Variants in ATP2C1 observed in about 807,000 individuals in gnomAD.
ATP2C1 encodes the protein calcium-transporting ATPase type 2C member 1.
Under a neutral mutation model 120.5 loss-of-function variants are expected in ATP2C1, and 31 were observed. The observed-to-expected ratio is 0.26, with a 90% CI of 0.19 to 0.35. The LOEUF (loss-of-function observed/expected upper bound fraction) is 0.35. Among genes scored for constraint, ATP2C1 ranks in the 10% least tolerant of loss-of-function variants. ATP2C1 has a pLI of 1.00. For missense variants in ATP2C1, 731 were observed against 1,107.5 expected (o/e 0.66, Z 4.83); for synonymous variants, 351 against 358.7 (o/e 0.98, Z 0.24).
rs3773814 is a variant in ATP2C1, at chr3:130,996,904, A to C, written c.2243+108A>C. On this transcript the variant is annotated intron_variant, in intron 24 of 27. Transcript: ENST00000510168. ...GACAGTGTTGGAAAACTTTGCAGCA[A>C]ATGTTTTAACATTTATGTTATAAAT... 0.14 allele frequency: 116,533 copies of C among 813,968 alleles called. 9,634 individuals carry two copies. Among genetic ancestry groups the C allele is most frequent in the Non-Finnish European group, 0.16 (75,178 of 463,488 alleles). The allele number at this position is 813,968 out of a possible 1,614,324, so 50.4% of individuals were successfully genotyped here.
intron 1 of ATP2C1, among the ~76,000 whole-genome samples, chr3:130,872,671 G>A (rs1044935039): frequency 7.3e-5 from 11 of 151,284 alleles, no homozygotes; most frequent in African/African-American, 2.7e-4. Flanking sequence ...TGCAACCTCC[G>A]CCTCCTGGGT....
intron 2 of ATP2C1, among the ~76,000 whole-genome samples, chr3:130,900,864 TTA>T (rs1457124604): frequency 2.0e-5 from 3 of 152,194 alleles, no homozygotes; most frequent in African/African-American, 7.2e-5. Context: ...TTTGTATATG[TTA>T]TATATGAGAT....
In ATP2C1 at chr3:131,002,235, A is replaced by G; in HGVS notation, c.*885A>G. 1 of 965,680 alleles carries G rather than the reference A, an allele frequency of 1.0e-6. No individual in the cohort carries two copies. Among genetic ancestry groups the G allele is most frequent in the Non-Finnish European group, 1.2e-6 (1 of 812,012 alleles). The allele number at this position is 965,680 out of a possible 1,614,324, so 59.8% of individuals were successfully genotyped here. A position where few individuals can be genotyped will look rare whatever the true frequency, so the allele number is the denominator to read the frequency against. On this transcript the variant is annotated 3_prime_UTR_variant, in exon 28 of 28. Coordinates refer to ENST00000510168, the MANE Select transcript of ATP2C1 (RefSeq NM_001378687.1). Reference sequence around the variant, plus strand: ...AATATCATTTTGTCATCCTCTAAATATAAATCCAAATACCTCAGCTAAGTA... The same window carrying G: ...AATATCATTTTGTCATCCTCTAAATGTAAATCCAAATACCTCAGCTAAGTA...
At position 130,979,327 on chromosome 3, in the gene ATP2C1, C is replaced by G. The variant is rs1453001768; in HGVS notation, c.1649C>G (p.Thr550Ser). 1.2e-6 allele frequency: 2 copies of G among 1,613,670 alleles called. No individual in the cohort carries two copies. Residue 550 changes from threonine to serine, a missense_variant, in exon 19 of 28, where the codon ACT (threonine) becomes AGT (serine). Physicochemically the swap from Thr to Ser is moderately conservative, Grantham distance 58 (BLOSUM62 1). Around this residue, in one of 3 missense-constraint regions of ATP2C1, gnomAD observed 571 missense variants for 845.9 expected, o/e 0.67. Coordinates refer to ENST00000510168, the MANE Select transcript of ATP2C1 (RefSeq NM_001378687.1). ...GTGGGAATCATTGATCCACCTAGAA[C>G]TGGTGTGAAAGAAGCTGTTACAACA... ...GLVGIIDPPR[T>S]GVKEAVTTLI... is the part of the protein sequence containing the mutation.
At chr3:130,957,350 A>G (rs955570848) in intron 11 of ATP2C1, among the ~76,000 whole-genome samples, 5 of 152,202 alleles carry the variant, frequency 3.3e-5, no homozygotes, top group Admixed American at 3.3e-4. Context: ...TTATTTTAGT[A>G]CATGGCTTAA....
At chr3:130,970,384 A>ACACACC (rs2061246953) in intron 17 of ATP2C1, among the ~76,000 whole-genome samples, 1 of 143,014 alleles carries the variant, frequency 7.0e-6, no homozygotes, top group Non-Finnish European at 1.5e-5. Flanking sequence ...ACACACACAC[A>ACACACC]CACACACACA....
At chr3:131,013,911 C>A in intron 26 of ATP2C1, 1 of 578,282 alleles carries the variant, frequency 1.7e-6, no homozygotes, top group East Asian at 3.0e-5. Flanking sequence ...AAACAAAATA[C>A]AAAATAACTT....
intron 11 of ATP2C1, among the ~76,000 whole-genome samples, chr3:130,957,818 C>G (rs1483096069): frequency 6.6e-6 from 1 of 152,152 alleles, no homozygotes; most frequent in African/African-American, 2.4e-5. Flanking sequence ...TCCCAAAGTG[C>G]AGGGATTACA....
At chr3:130,940,505 T>G in intron 6 of ATP2C1, 125 bp from the exon 7 acceptor site, 1 of 705,746 alleles carries the variant, frequency 1.4e-6, no homozygotes, top group South Asian at 1.6e-5. Context: ...GGTAAGAATA[T>G]AAGCACAAGT....
upstream of ATP2C1, among the ~76,000 whole-genome samples, chr3:130,891,797 G>A (rs923205392): frequency 5.9e-5 from 9 of 152,070 alleles, no homozygotes; most frequent in African/African-American, 1.7e-4. Flanking sequence ...ACATATATAT[G>A]TGTATATGTT....
intron 3 of ATP2C1, 101 bp from the exon 4 acceptor site, chr3:130,931,921 T>C (rs1313311189): frequency 1.3e-6 from 1 of 782,956 alleles, no homozygotes; most frequent in Non-Finnish European, 2.2e-6. Context: ...TTGACTGTTG[T>C]AGTTTCTGTA....
At chr3:130,877,995 G>C (rs1378420723) in intron 1 of ATP2C1, among the ~76,000 whole-genome samples, 1 of 151,982 alleles carries the variant, frequency 6.6e-6, no homozygotes, top group Non-Finnish European at 1.5e-5. Context: ...GTAGGGACAT[G>C]GATGAAGCTG....
At chr3:130,957,324 CTATTT>C (rs1162765942) in intron 11 of ATP2C1, among the ~76,000 whole-genome samples, 7 of 152,064 alleles carry the variant, frequency 4.6e-5, no homozygotes, top group Non-Finnish European at 7.4e-5. Context: ...TGACATTTTA[CTATTT>C]TATTTAAAAT....
chr3:130,967,637 A>G lies in ATP2C1; in HGVS notation c.1308+218A>G, dbSNP rs370751714. Among the ~76,000 whole-genome samples the G allele has an allele frequency of 1.6e-4, 24 of 152,322 alleles. 1 individual carries two copies. In the South Asian group the frequency reaches 4.6e-3, roughly 29 times the overall value. On this transcript the variant is annotated intron_variant, in intron 16 of 27. Transcript: ENST00000510168. ...CTTTATTGTTCACATGCAAGTTACA[A>G]ACTAATGAGCAGTCATTGATTTCTT...
chr3:131,005,626 C>T (rs1344847971), downstream of ATP2C1, among the ~76,000 whole-genome samples: 1 of 152,178 alleles, frequency 6.6e-6, no homozygotes, highest in East Asian at 1.9e-4. Flanking sequence ...TTAATCAAAG[C>T]TATAGCTGAC....
chr3:130,959,752 C>CT (rs1205401884), intron 12 of ATP2C1, among the ~76,000 whole-genome samples: 4 of 151,952 alleles, frequency 2.6e-5, no homozygotes, highest in Non-Finnish European at 4.4e-5. Context: ...TGTGAAGAAA[C>CT]TGCATCCATG....
intron 2 of ATP2C1, among the ~76,000 whole-genome samples, chr3:130,927,176 C>G (rs577970379): frequency 6.6e-5 from 10 of 152,028 alleles, no homozygotes; most frequent in Non-Finnish European, 1.0e-4. Context: ...AAACAACAAA[C>G]CTACATATAC....
At chr3:130,946,550 C>T (rs2060162723) in intron 8 of ATP2C1, among the ~76,000 whole-genome samples, 1 of 152,238 alleles carries the variant, frequency 6.6e-6, no homozygotes, top group African/African-American at 2.4e-5. Flanking sequence ...GTGAGGCTCA[C>T]ATTCTTGCCC....
At chr3:130,953,794 A>C (rs1369435357) in intron 8 of ATP2C1, 27 bp from the exon 9 acceptor site, 1 of 1,613,704 alleles carries the variant, frequency 6.2e-7, no homozygotes. Flanking sequence ...ACAAAATTTG[A>C]ATCTGGGATT....
Sources: gnomAD v4.1 joint callset for allele counts (sites outside exome capture counted in the v4.1 genomes callset) on GRCh38, gnomAD v4.1.1 for gene constraint, gnomAD v4.1.1 regional missense constraint, MANE v1.5 for transcripts, NCBI Gene and HGNC (gene_info 2026-07-23, HGNC 2026-07-21) for gene names.